Variants in PRRC2C observed in about 807,000 individuals in gnomAD.
PRRC2C encodes the protein protein PRRC2C.
A neutral mutation model predicts 317.2 loss-of-function variants in PRRC2C; 72 were observed. The observed-to-expected ratio is 0.23, with a 90% CI of 0.19 to 0.28. The LOEUF (loss-of-function observed/expected upper bound fraction) is 0.28. Among genes scored for constraint, PRRC2C ranks in the 10% least tolerant of loss-of-function variants. The probability of loss-of-function intolerance (pLI) is 1.00; values close to 1 mark genes in which losing one functional copy is unlikely to be tolerated. For synonymous variants in PRRC2C, 1,296 were observed against 1,205.9 expected, an observed-to-expected ratio of 1.07 and a Z score of -1.55; for missense variants, 3,074 against 3,459.7, an observed-to-expected ratio of 0.89 and a Z score of 2.80.
intron 15 of PRRC2C, among the ~76,000 whole-genome samples, chr1:171,539,638 C>CCTGA (rs1329764734): frequency 6.6e-6 from 1 of 152,126 alleles, no homozygotes; most frequent in African/African-American, 2.4e-5. Context: ...AGATATTTGT[C>CCTGA]CTGACTGACT....
At chr1:171,585,954 T>C (rs1649806776) in intron 30 of PRRC2C, among the ~76,000 whole-genome samples, 1 of 152,158 alleles carries the variant, frequency 6.6e-6, no homozygotes, top group Non-Finnish European at 1.5e-5. Context: ...ATACATACTT[T>C]ATACATATAA....
chr1:171,547,633 C>CTTTTTTT (rs35480518), intron 17 of PRRC2C, among the ~76,000 whole-genome samples: 2 of 129,838 alleles, frequency 1.5e-5, no homozygotes, highest in Admixed American at 8.2e-5. Context: ...AGTTTCCCTT[C>CTTTTTTT]TTTTTTTTTT....
Position 171,515,845 on chromosome 1 carries a change from G to C in PRRC2C, c.512G>C (p.Ser171Thr). 1 of 1,598,332 alleles carries C rather than the reference G, an allele frequency of 6.3e-7. No homozygotes were observed. Among genetic ancestry groups the C allele is most frequent in the Non-Finnish European group, 8.5e-7 (1 of 1,173,542 alleles). ...TNDDNYGPGP[S>T]LRPPNVACWR... ...GATGACAACTATGGACCTGGACCCA[G>C]TTTACGTCCACCAAGTAAGAGTACT... The change falls in exon 5 of 35, where the codon AGT (serine) becomes ACT (threonine). Residue 171 changes from serine (S) to threonine (T), a missense_variant. Coordinates refer to ENST00000647382, the MANE Select transcript of PRRC2C (RefSeq NM_001387844.1).
chr1:171,545,598 G>C lies in PRRC2C; in HGVS notation c.4883G>C (p.Gly1628Ala). 2 of 1,611,416 alleles carry C rather than the reference G, an allele frequency of 1.2e-6. No individual in the cohort carries two copies. The highest frequency in any genetic ancestry group is 1.7e-6 in the Non-Finnish European group (2 of 1,178,790). ...TGQKNSKDST[G>A]KKREDPKPGP... The stretch of plus-strand genomic sequence containing the variant: ...CAAAAGAACTCCAAAGATTCTACTG[G>C]GAAAAAAAGAGAAGACCCCAAACCA... The change falls in exon 17 of 35, where the codon GGG becomes GCG. Residue 1628 changes from glycine (G) to alanine (A), a missense_variant. Physicochemically the swap from Gly to Ala is moderately conservative, Grantham distance 60. Coordinates refer to ENST00000647382, the MANE Select transcript of PRRC2C (RefSeq NM_001387844.1).
intron 1 of PRRC2C, among the ~76,000 whole-genome samples, chr1:171,491,543 C>T (rs2102031829): frequency 6.6e-6 from 1 of 152,312 alleles, no homozygotes; most frequent in Non-Finnish European, 1.5e-5. Context: ...CTCTGAAAGA[C>T]TCCTTAAGGA....
chr1:171,515,675 G>A, intron 4 of PRRC2C, 59 bp from the exon 5 acceptor site: 1 of 1,346,676 alleles, frequency 7.4e-7, no homozygotes, highest in Non-Finnish European at 1.0e-6. Context: ...CTGGGAGGGT[G>A]GTTTGTATTA....
At chr1:171,568,379 A>G in intron 23 of PRRC2C, 40 bp downstream of exon 23, 2 of 1,562,646 alleles carry the variant, frequency 1.3e-6, no homozygotes, top group Non-Finnish European at 1.7e-6. Context: ...TTGGATTGGA[A>G]CCTGGCTATT....
chr1:171,544,338 G>A (rs1200024889), intron 16 of PRRC2C, among the ~76,000 whole-genome samples: 1 of 152,104 alleles, frequency 6.6e-6, no homozygotes, highest in Non-Finnish European at 1.5e-5. Context: ...TTGCCAGGCT[G>A]GTCTCGAACT....
chr1:171,550,479 T>C (rs534598623), intron 18 of PRRC2C, among the ~76,000 whole-genome samples: 384 of 152,154 alleles, frequency 2.5e-3, no homozygotes, highest in Non-Finnish European at 3.5e-3. Context: ...TTTTTTTTTT[T>C]TTAAATACTG....
chr1:171,528,547 T>C (rs891391357), intron 11 of PRRC2C, among the ~76,000 whole-genome samples: 5 of 152,144 alleles, frequency 3.3e-5, no homozygotes, highest in African/African-American at 1.2e-4. Flanking sequence ...CACCTTGGCC[T>C]CCCAAAGTGC....
At chr1:171,546,571 T>A (rs1236527410) in intron 17 of PRRC2C, among the ~76,000 whole-genome samples, 1 of 152,090 alleles carries the variant, frequency 6.6e-6, no homozygotes, top group Non-Finnish European at 1.5e-5. Context: ...ACCTGGAAAT[T>A]TGTGAGCAAT....
At chr1:171,582,587 A>G (rs1451938745) in intron 28 of PRRC2C, among the ~76,000 whole-genome samples, 1 of 152,214 alleles carries the variant, frequency 6.6e-6, no homozygotes, top group Non-Finnish European at 1.5e-5. Flanking sequence ...CCCGTGCAGC[A>G]TTTTACTGTA....
chr1:171,514,739 A>G (rs780491585), intron 4 of PRRC2C, 94 bp downstream of exon 4: 1 of 1,090,996 alleles, frequency 9.2e-7, no homozygotes, highest in Middle Eastern at 2.0e-4. Context: ...TGGTAGAGCC[A>G]TAAAGCATTG....
chr1:171,583,873 C>A, intron 28 of PRRC2C, 83 bp from the exon 29 acceptor site: 1 of 1,135,030 alleles, frequency 8.8e-7, no homozygotes, highest in South Asian at 1.5e-5. Context: ...TGTATTGGGT[C>A]ATTTGGGATT....
intron 26 of PRRC2C, 38 bp from the exon 27 acceptor site, chr1:171,579,316 G>A: frequency 6.5e-7 from 1 of 1,540,614 alleles, no homozygotes; most frequent in East Asian, 2.3e-5. Flanking sequence ...CTGAAATTAG[G>A]ACACTTACTA....
At chr1:171,536,600 A>G (rs978923005) in intron 14 of PRRC2C, among the ~76,000 whole-genome samples, 5 of 151,856 alleles carry the variant, frequency 3.3e-5, no homozygotes, top group African/African-American at 1.2e-4. Context: ...AATTTTGTCC[A>G]TATGTTATAT....
chr1:171,534,272 C>T (rs1676405964), intron 12 of PRRC2C, among the ~76,000 whole-genome samples: 1 of 151,492 alleles, frequency 6.6e-6, no homozygotes, highest in South Asian at 2.1e-4. Context: ...GAATAGTGGG[C>T]TTATATTACA....
At chr1:171,491,789 G>C (rs529693265) in intron 1 of PRRC2C, among the ~76,000 whole-genome samples, 2 of 152,242 alleles carry the variant, frequency 1.3e-5, no homozygotes, top group East Asian at 3.9e-4. Context: ...AAAGAAGAGT[G>C]ATAAGAGTAA....
At chr1:171,565,541 G>A (rs1219574674) in intron 20 of PRRC2C, among the ~76,000 whole-genome samples, 1 of 152,134 alleles carries the variant, frequency 6.6e-6, no homozygotes, top group African/African-American at 2.4e-5. Context: ...TCCACCTCCC[G>A]GGTTCAAGCG....
Sources: allele counts gnomAD v4.1 joint callset (sites outside exome capture counted in the v4.1 genomes callset), GRCh38; gene constraint gnomAD v4.1.1; transcripts MANE v1.5; gene names NCBI Gene and HGNC (gene_info 2026-07-23, HGNC 2026-07-21).